SLC25A37: variants seen among roughly 807,000 people sequenced by gnomAD.
The protein encoded by SLC25A37 is solute carrier family 25 member 37, also known as mitoferrin-1.
In SLC25A37, 17 loss-of-function variants were observed where a neutral mutation model predicts 31.0. The ratio of observed to expected loss-of-function variants is 0.55; its 90% CI spans 0.38 to 0.82. The LOEUF is 0.82. Ranked by LOEUF, SLC25A37 falls within the 40% of genes least tolerant of loss-of-function variation. The pLI is 0.00. For missense variants in SLC25A37, 404 were observed against 465.8 expected (o/e 0.87, Z 1.22); for synonymous variants, 222 against 193.0 (o/e 1.15, Z -1.24).
In SLC25A37 at chr8:23,569,961, A is replaced by G. The variant is rs545394875; in HGVS notation, c.497-1374A>G. ...GTTTCAACATTTTAAGTCTCATGCT[A>G]TAAGTTTGCCTGTCTTTTGTCTTTC... is the stretch of plus-strand genomic sequence containing the variant. On this transcript the variant is annotated intron_variant, in intron 3 of 3. Coordinates refer to ENST00000519973, the MANE Select transcript of SLC25A37 (RefSeq NM_016612.4). Among the ~76,000 whole-genome samples, 31 of 152,308 alleles carry G rather than the reference A, an allele frequency of 2.0e-4. No individual in the cohort carries two copies. In the East Asian group the frequency reaches 3.5e-3, roughly 17 times the overall value.
At chr8:23,563,005 A>G (rs1228104231) in intron 1 of SLC25A37, among the ~76,000 whole-genome samples, 2 of 152,200 alleles carry the variant, frequency 1.3e-5, no homozygotes, top group African/African-American at 4.8e-5. Flanking sequence ...CCTTCCCAGC[A>G]TGAACACTTG....
intron 3 of SLC25A37, 36 bp downstream of exon 3, chr8:23,568,414 G>A (rs545182952): frequency 6.2e-7 from 1 of 1,612,928 alleles, no homozygotes; most frequent in Non-Finnish European, 8.5e-7. Flanking sequence ...GGCAGTAGGG[G>A]ATGTGCAAAG....
In SLC25A37 at chr8:23,573,995, T is replaced by G. The variant is rs1332197657; in HGVS notation, c.*2140T>G. 5.6e-6 allele frequency: 2 copies of G among 358,338 alleles called. No homozygotes were observed. The highest frequency in any genetic ancestry group is 4.2e-5 in the African/African-American group (2 of 47,076). The allele number at this position is 358,338 out of a possible 1,614,324, so 22.2% of individuals were successfully genotyped here. On this transcript the variant is annotated 3_prime_UTR_variant, in exon 4 of 4. Transcript: ENST00000519973. ...AGGGGAAAAAAATCAAATTCTAAAT[T>G]TCAAAGTAGAATTTAAAGCAAATTT...
intron 1 of SLC25A37, among the ~76,000 whole-genome samples, chr8:23,533,403 G>T (rs1322823984): frequency 6.6e-6 from 1 of 152,200 alleles, no homozygotes; most frequent in Non-Finnish European, 1.5e-5. Flanking sequence ...CCTGGGGTGG[G>T]GGATGTGCGT....
Position 23,568,344 on chromosome 8 carries a change from C to T in SLC25A37, c.462C>T (p.Thr154=). Residue 154 remains threonine (T), a synonymous_variant, in exon 3 of 4, where the codon ACC becomes ACT. Transcript: ENST00000519973. Reference sequence around the variant, plus strand: ...CAGGGATAGCTGGGAGTATGGCCACCCTGCTCCACGATGCGGTAATGAATC... The same window carrying T: ...CAGGGATAGCTGGGAGTATGGCCACTCTGCTCCACGATGCGGTAATGAATC... ...LANGIAGSMA[T]LLHDAVMNPA... is the part of the protein sequence containing the mutation. 6.2e-7 allele frequency: 1 copy of T among 1,613,800 alleles called. No individual in the cohort carries two copies. The highest frequency in any genetic ancestry group is 8.5e-7 in the Non-Finnish European group (1 of 1,179,866).
chr8:23,555,483 A>C (rs1039953018), intron 1 of SLC25A37, among the ~76,000 whole-genome samples: 4 of 152,172 alleles, frequency 2.6e-5, no homozygotes, highest in African/African-American at 9.7e-5. Context: ...CTTCTCTCCT[A>C]GGAGGCTGAG....
intron 1 of SLC25A37, among the ~76,000 whole-genome samples, chr8:23,535,524 C>T (rs986606908): frequency 2.6e-5 from 4 of 152,174 alleles, no homozygotes; most frequent in Non-Finnish European, 5.9e-5. Flanking sequence ...ATACAAACCA[C>T]CTTGACACCA....
intron 1 of SLC25A37, among the ~76,000 whole-genome samples, chr8:23,553,747 A>G (rs2978473): frequency 0.47 from 71,099 of 152,120 alleles, 17,048 homozygotes; most frequent in African/African-American, 0.58. Flanking sequence ...TGAACCAACC[A>G]CTATTGCCCA....
chr8:23,568,644 A>C (rs76894365), intron 3 of SLC25A37: 2 of 475,170 alleles, frequency 4.2e-6, no homozygotes, highest in Non-Finnish European at 7.7e-6. Flanking sequence ...GGGGTGTTGG[A>C]AATGCTAATT....
intron 1 of SLC25A37, among the ~76,000 whole-genome samples, chr8:23,554,570 G>A (rs1310866200): frequency 6.6e-6 from 1 of 152,246 alleles, no homozygotes; most frequent in Non-Finnish European, 1.5e-5. Context: ...TTCTGGGTGT[G>A]TTCTGGGTAC....
chr8:23,548,764 C>T (rs112699932), intron 1 of SLC25A37, among the ~76,000 whole-genome samples: 78 of 152,326 alleles, frequency 5.1e-4, no homozygotes, highest in African/African-American at 1.7e-3. Flanking sequence ...GTCACTGCGC[C>T]TGGCCAAAGG....
At chr8:23,538,348 T>A (rs1384043180) in intron 1 of SLC25A37, among the ~76,000 whole-genome samples, 1 of 113,932 alleles carries the variant, frequency 8.8e-6, no homozygotes, top group Non-Finnish European at 1.6e-5. Flanking sequence ...GCCATTGCAC[T>A]CCAGCCCGGA....
Position 23,529,029 on chromosome 8 carries a change from C to G in SLC25A37, c.27C>G (p.Gly9=), listed in dbSNP as rs1801603171. 1 of 1,544,896 alleles carries G rather than the reference C, an allele frequency of 6.5e-7. No homozygotes were observed. Among genetic ancestry groups the G allele is most frequent in the Non-Finnish European group, 8.7e-7 (1 of 1,146,434 alleles). The part of the protein sequence containing the change: MELRSGSV[G]SQAVARRMDG... ...TGGAGCTGCGCAGCGGGAGCGTGGG[C>G]AGCCAGGCGGTGGCGCGGAGGATGG... Residue 9 remains glycine (G), a synonymous_variant, in exon 1 of 4, where the codon GGC becomes GGG. Coordinates refer to ENST00000519973, the MANE Select transcript of SLC25A37 (RefSeq NM_016612.4). This position sits in a 1 kb window ranked among gnomAD's most constrained non-coding sequence, Gnocchi z 4.1.
intron 1 of SLC25A37, among the ~76,000 whole-genome samples, chr8:23,530,289 G>A (rs530376908): frequency 5.9e-5 from 9 of 152,202 alleles, no homozygotes; most frequent in Non-Finnish European, 1.3e-4. Context: ...AGTGTGCTTT[G>A]GAGGATTCGG....
chr8:23,556,259 T>G (rs1285659826), intron 1 of SLC25A37, among the ~76,000 whole-genome samples: 1 of 150,686 alleles, frequency 6.6e-6, no homozygotes, highest in Non-Finnish European at 1.5e-5. Context: ...AACAGAGTCT[T>G]TCTCAGGCTG....
chr8:23,542,132 G>A (rs1273682422), intron 1 of SLC25A37, among the ~76,000 whole-genome samples: 1 of 152,170 alleles, frequency 6.6e-6, no homozygotes, highest in Non-Finnish European at 1.5e-5. Flanking sequence ...CATATGTGAT[G>A]AGACAGTGAT....
intron 1 of SLC25A37, among the ~76,000 whole-genome samples, chr8:23,560,978 A>G (rs889586937): frequency 6.6e-6 from 1 of 152,202 alleles, no homozygotes; most frequent in African/African-American, 2.4e-5. Flanking sequence ...TGAGGCTCTG[A>G]TTAGCACTTA....
chr8:23,568,878 G>A (rs1475156326), intron 3 of SLC25A37: 2 of 166,670 alleles, frequency 1.2e-5, no homozygotes, highest in African/African-American at 4.8e-5. Context: ...AGCAGGCAGA[G>A]GTTGCAGTGC....
intron 1 of SLC25A37, among the ~76,000 whole-genome samples, chr8:23,539,214 T>A (rs1400062021): frequency 6.6e-6 from 1 of 152,202 alleles, no homozygotes; most frequent in African/African-American, 2.4e-5. Context: ...AAGGGTTGCA[T>A]AACAGGTCTA....
Sources: allele counts gnomAD v4.1 joint callset (sites outside exome capture counted in the v4.1 genomes callset), GRCh38; gene constraint gnomAD v4.1.1; non-coding constraint Gnocchi (gnomAD v3.1); transcripts MANE v1.5; gene names NCBI Gene and HGNC (gene_info 2026-07-23, HGNC 2026-07-21).